GIPC2: variants seen among roughly 807,000 people sequenced by gnomAD.
The protein encoded by GIPC2 is GIPC PDZ domain containing family member 2, also known as PDZ domain-containing protein GIPC2.
GIPC2 carries 30 observed loss-of-function variants against 30.6 expected under a neutral mutation model. That is an observed-to-expected ratio of 0.98 (90% CI 0.73 to 1.33). The LOEUF (loss-of-function observed/expected upper bound fraction) is 1.33. Among genes scored for constraint, GIPC2 ranks in the 40% most tolerant of loss-of-function variants. The pLI is 0.00. For missense variants in GIPC2, 414 were observed against 390.3 expected (o/e 1.06, Z -0.51); for synonymous variants, 167 against 150.0 (o/e 1.11, Z -0.83).
chr1:78,076,016 A>G (rs1661710112), intron 1 of GIPC2, among the ~76,000 whole-genome samples: 4 of 152,236 alleles, frequency 2.6e-5, no homozygotes, highest in Non-Finnish European at 4.4e-5. Context: ...TAGACCTCAT[A>G]TAATTTAGAA....
chr1:78,122,012 AG>A (rs1018245506), intron 4 of GIPC2, among the ~76,000 whole-genome samples: 7 of 152,196 alleles, frequency 4.6e-5, no homozygotes, highest in African/African-American at 1.7e-4. Context: ...TCCCTTCAGG[AG>A]GAGGAGCATC....
In GIPC2 at chr1:78,137,024, T is replaced by A. The variant is rs1663019241; in HGVS notation, c.*1281T>A. 1 of 152,172 alleles carries A rather than the reference T, an allele frequency of 6.6e-6. No homozygotes were observed. Among genetic ancestry groups the A allele is most frequent in the Non-Finnish European group, 1.5e-5 (1 of 67,998 alleles). The allele number at this position is 152,172 out of a possible 1,614,324, so 9.4% of individuals were successfully genotyped here. A position where few individuals can be genotyped will look rare whatever the true frequency, so the allele number is the denominator to read the frequency against. On this transcript the variant is annotated 3_prime_UTR_variant, in exon 6 of 6. Coordinates refer to ENST00000370759, the MANE Select transcript of GIPC2 (RefSeq NM_017655.6). ...TCTCTTTTCTTGCTGGATTATTGCTTAGATAACTCTTGTTTTCTGGTAAAA... is the reference window on the plus strand; with the variant it reads ...TCTCTTTTCTTGCTGGATTATTGCTAAGATAACTCTTGTTTTCTGGTAAAA...
intron 1 of GIPC2, among the ~76,000 whole-genome samples, chr1:78,078,514 G>A (rs1273569742): frequency 1.3e-5 from 2 of 152,036 alleles, no homozygotes; most frequent in Non-Finnish European, 2.9e-5. Flanking sequence ...AGAAACTAAT[G>A]CCCTGCTTGC....
intron 1 of GIPC2, among the ~76,000 whole-genome samples, chr1:78,065,575 G>A (rs959367880): frequency 6.6e-5 from 10 of 151,300 alleles, no homozygotes; most frequent in Non-Finnish European, 1.5e-4. Context: ...AAAGACAAAA[G>A]AGCCTGAATA....
chr1:78,079,052 A>AT lies in GIPC2; in HGVS notation c.241-1616dup, dbSNP rs925874474. ...ATATGCACCATTCTTGACTTAACCG[A>AT]TTTTTTTCCCCCTGAGAACAATATC... On this transcript the variant is annotated intron_variant, in intron 1 of 5. Coordinates refer to ENST00000370759, the MANE Select transcript of GIPC2 (RefSeq NM_017655.6). Among the ~76,000 whole-genome samples the AT allele has an allele frequency of 3.3e-5, 5 of 152,210 alleles. No homozygotes were observed. In the East Asian group the frequency reaches 5.8e-4, roughly 18 times the overall value.
intron 1 of GIPC2, among the ~76,000 whole-genome samples, chr1:78,055,413 C>T (rs370155328): frequency 2.7e-4 from 41 of 152,190 alleles, no homozygotes; most frequent in African/African-American, 8.0e-4. Flanking sequence ...GCTTCTGCAG[C>T]TGCACAGTCA....
At chr1:78,054,894 A>C (rs1168302225) in intron 1 of GIPC2, among the ~76,000 whole-genome samples, 1 of 152,192 alleles carries the variant, frequency 6.6e-6, no homozygotes, top group East Asian at 1.9e-4. Context: ...CTCCTCTTCA[A>C]ACCCTGGCTA....
chr1:78,113,935 A>G (rs1662520750), intron 3 of GIPC2, among the ~76,000 whole-genome samples: 1 of 150,928 alleles, frequency 6.6e-6, no homozygotes, highest in Non-Finnish European at 1.5e-5. Flanking sequence ...TAGTTTTCAT[A>G]GCATTAATAA....
intron 1 of GIPC2, among the ~76,000 whole-genome samples, chr1:78,074,868 C>T (rs1661687206): frequency 6.6e-6 from 1 of 152,078 alleles, no homozygotes; most frequent in Non-Finnish European, 1.5e-5. Flanking sequence ...AAAAGAAACA[C>T]AATTCACCAT....
chr1:78,133,835 TTATAA>T (rs546762228), intron 5 of GIPC2, among the ~76,000 whole-genome samples: 46 of 151,618 alleles, frequency 3.0e-4, no homozygotes, highest in African/African-American at 1.0e-3. Context: ...TTCACTGGAG[TTATAA>T]TATATTACCA....
At position 78,046,059 on chromosome 1, in the gene GIPC2, G is replaced by A; in HGVS notation, c.-36G>A. On this transcript the variant is annotated 5_prime_UTR_variant, in exon 1 of 6. Coordinates refer to ENST00000370759, the MANE Select transcript of GIPC2 (RefSeq NM_017655.6). ...CGCCGGGGGGAGGAGGCGGCGGACG[G>A]CAGCGCAGGTGGGCCCGCGCTCTCG... 2 of 1,403,414 alleles carry A rather than the reference G, an allele frequency of 1.4e-6. No individual in the cohort carries two copies. Among genetic ancestry groups the A allele is most frequent in the Non-Finnish European group, 1.8e-6 (2 of 1,081,426 alleles). 86.9% of individuals were successfully genotyped at this position (1,403,414 alleles called of 1,614,324 possible). A position where few individuals can be genotyped will look rare whatever the true frequency, so the allele number is the denominator to read the frequency against.
chr1:78,116,156 G>A (rs1662563069), intron 3 of GIPC2, among the ~76,000 whole-genome samples: 1 of 152,190 alleles, frequency 6.6e-6, no homozygotes, highest in South Asian at 2.1e-4. Context: ...GCATGCAAGA[G>A]CAGGGAAAAC....
intron 1 of GIPC2, among the ~76,000 whole-genome samples, chr1:78,052,857 G>A (rs543209895): frequency 6.6e-6 from 1 of 152,248 alleles, no homozygotes; most frequent in Admixed American, 6.5e-5. Context: ...TCTTTTGAAA[G>A]TCAATATTCT....
chr1:78,091,501 G>A, intron 2 of GIPC2: 1 of 715,014 alleles, frequency 1.4e-6, no homozygotes, highest in South Asian at 1.5e-5. Flanking sequence ...CTGCGCTAAT[G>A]GCTCCCAAAG....
intron 1 of GIPC2, among the ~76,000 whole-genome samples, chr1:78,062,243 T>C (rs1349402166): frequency 6.6e-6 from 1 of 152,208 alleles, no homozygotes; most frequent in Non-Finnish European, 1.5e-5. Flanking sequence ...TAATTGGCGT[T>C]AACACTATGT....
intron 5 of GIPC2, among the ~76,000 whole-genome samples, chr1:78,128,853 A>C (rs1243182789): frequency 6.6e-6 from 1 of 151,988 alleles, no homozygotes; most frequent in African/African-American, 2.4e-5. Context: ...CAAAACAAAA[A>C]AATTAGCCAG....
At chr1:78,092,028 T>A (rs552083709) in intron 2 of GIPC2, 2 of 1,528,656 alleles carry the variant, frequency 1.3e-6, no homozygotes, top group Non-Finnish European at 1.8e-6. Context: ...TCAGGACTCA[T>A]CGCCCTCCTG....
At chr1:78,071,716 C>T (rs1028284506) in intron 1 of GIPC2, among the ~76,000 whole-genome samples, 2 of 151,978 alleles carry the variant, frequency 1.3e-5, no homozygotes, top group African/African-American at 4.8e-5. Flanking sequence ...TGTGCTGTCA[C>T]GCCTGTCTTC....
intron 5 of GIPC2, among the ~76,000 whole-genome samples, chr1:78,126,403 G>A (rs75413125): frequency 0.012 from 1,828 of 152,310 alleles, 41 homozygotes; most frequent in African/African-American, 0.042. Context: ...GCATATGACT[G>A]AGAAGGGCAG....
Sources: allele counts gnomAD v4.1 joint callset (sites outside exome capture counted in the v4.1 genomes callset), GRCh38; gene constraint gnomAD v4.1.1; transcripts MANE v1.5; gene names NCBI Gene and HGNC (gene_info 2026-07-23, HGNC 2026-07-21).